The following PTPRD variants were observed in gnomAD, a reference collection of about 807,000 sequenced individuals.
PTPRD encodes the protein protein tyrosine phosphatase receptor type D, also known as receptor-type tyrosine-protein phosphatase delta.
PTPRD carries 34 observed loss-of-function variants against 214.5 expected under a neutral mutation model. The ratio of observed to expected loss-of-function variants is 0.16; its 90% confidence interval spans 0.12 to 0.21. PTPRD has a LOEUF of 0.21. Among genes scored for constraint, PTPRD ranks in the 10% least tolerant of loss-of-function variants. PTPRD has a pLI of 1.00. For synonymous variants in PTPRD, 1,128 were observed against 845.7 expected (o/e 1.33, Z -5.79); for missense variants, 2,545 against 2,398.7 (o/e 1.06, Z -1.27).
At chr9:10,547,699 TTA>T (rs577218359) in intron 2 of PTPRD, among the ~76,000 whole-genome samples, 65 of 149,266 alleles carry the variant, frequency 4.4e-4, no homozygotes, top group African/African-American at 1.0e-3. Context: ...TACATATATG[TTA>T]TATATATATA....
intron 8 of PTPRD, among the ~76,000 whole-genome samples, chr9:9,461,630 C>T (rs1352511931): frequency 6.6e-6 from 1 of 152,102 alleles, no homozygotes; most frequent in African/African-American, 2.4e-5. Flanking sequence ...TGCCCATATA[C>T]TCATACCCTC....
intron 3 of PTPRD, among the ~76,000 whole-genome samples, chr9:10,097,103 G>C (rs1243744519): frequency 1.3e-5 from 2 of 149,764 alleles, no homozygotes; most frequent in South Asian, 4.4e-4. Context: ...CTATATCTCT[G>C]TTTTGGTACC....
chr9:9,989,672 G>C (rs1234662753), intron 4 of PTPRD, among the ~76,000 whole-genome samples: 1 of 152,198 alleles, frequency 6.6e-6, no homozygotes, highest in Non-Finnish European at 1.5e-5. Context: ...GGGTGCAAGA[G>C]GCTGTCGCAT....
At chr9:10,183,817 T>C (rs1051936242) in intron 3 of PTPRD, among the ~76,000 whole-genome samples, 7 of 152,134 alleles carry the variant, frequency 4.6e-5, no homozygotes, top group Non-Finnish European at 4.4e-5. Context: ...AATAAACTAG[T>C]AGGCAAACAA....
intron 10 of PTPRD, among the ~76,000 whole-genome samples, chr9:9,087,548 A>G (rs577887120): frequency 3.2e-4 from 48 of 152,276 alleles, no homozygotes; most frequent in Admixed American, 1.2e-3. Flanking sequence ...TGAGAAACAT[A>G]CAGAGAAGTG....
At position 9,862,665 on chromosome 9, in the gene PTPRD, G is replaced by A. The variant is rs143476848; in HGVS notation, c.-368+75842C>T. Among the ~76,000 whole-genome samples, 182 of 142,838 alleles carry A rather than the reference G, an allele frequency of 1.3e-3. 1 individual carries two copies. The highest frequency in any genetic ancestry group is 1.3e-3 in the Non-Finnish European group (87 of 66,564). The allele number at this position is 142,838 out of a possible 152,430, so 93.7% of individuals were successfully genotyped here. A position where few individuals can be genotyped will look rare whatever the true frequency, so the allele number is the denominator to read the frequency against. On this transcript the variant is annotated intron_variant, in intron 5 of 45. Transcript: ENST00000381196. Reference sequence around the variant, plus strand: ...AGAAATACTTGTTGTGGTGTGTTGAGCTGAGCTCCCCAAGTTCTGCCTGTC... The same window carrying A: ...AGAAATACTTGTTGTGGTGTGTTGAACTGAGCTCCCCAAGTTCTGCCTGTC...
At chr9:10,129,492 T>C (rs2098843147) in intron 3 of PTPRD, among the ~76,000 whole-genome samples, 1 of 129,762 alleles carries the variant, frequency 7.7e-6, no homozygotes, top group South Asian at 2.7e-4. Context: ...ATTCTCTTTT[T>C]TCTTTCCTTT....
intron 3 of PTPRD, among the ~76,000 whole-genome samples, chr9:10,226,759 T>C (rs2154353013): frequency 6.6e-6 from 1 of 152,166 alleles, no homozygotes; most frequent in Admixed American, 6.6e-5. Flanking sequence ...AATCTGTGTG[T>C]ATGTGTTGTA....
intron 9 of PTPRD, among the ~76,000 whole-genome samples, chr9:9,264,198 A>G (rs1937859057): frequency 6.6e-6 from 1 of 151,660 alleles, no homozygotes; most frequent in South Asian, 2.1e-4. Context: ...ATATTTCAGT[A>G]TCCAACCTAA....
chr9:9,623,849 C>G (rs1286357932), intron 7 of PTPRD, among the ~76,000 whole-genome samples: 1 of 152,194 alleles, frequency 6.6e-6, no homozygotes, highest in African/African-American at 2.4e-5. Context: ...CTTCTTACAA[C>G]TATTCTACAA....
rs1045406517 is a variant in PTPRD, at chr9:9,072,890, G to A, written c.-142-54155C>T. Among the ~76,000 whole-genome samples the A allele has an allele frequency of 3.9e-5, 6 of 152,082 alleles. No individual in the cohort carries two copies. The South Asian group carries it at 1.2e-3, about 31-fold the overall frequency. ...CTAGAAAACTGAATGAGCATTTCATGGAAAACAGGATATAAGACAAGTATG... is the reference window on the plus strand; with the variant it reads ...CTAGAAAACTGAATGAGCATTTCATAGAAAACAGGATATAAGACAAGTATG... On this transcript the variant is annotated intron_variant, in intron 10 of 45. Coordinates refer to ENST00000381196, the MANE Select transcript of PTPRD (RefSeq NM_002839.4).
At chr9:8,419,181 A>C (rs7028912) in intron 35 of PTPRD, among the ~76,000 whole-genome samples, 7,485 of 150,894 alleles carry the variant, frequency 0.05, 605 homozygotes, top group African/African-American at 0.17. Context: ...AGATGAGATC[A>C]TCTCACTGCA....
chr9:10,518,607 A>G (rs1033361144), intron 2 of PTPRD, among the ~76,000 whole-genome samples: 4 of 151,046 alleles, frequency 2.6e-5, no homozygotes, highest in African/African-American at 9.8e-5. Flanking sequence ...ATCTTGGCTC[A>G]CTTCAAGCTC....
At chr9:8,934,421 G>GTATA (rs200706346) in intron 11 of PTPRD, among the ~76,000 whole-genome samples, 8 of 27,332 alleles carry the variant, frequency 2.9e-4, no homozygotes, top group East Asian at 2.2e-3. Flanking sequence ...GTGTGTGTGT[G>GTATA]TATATATATA....
chr9:9,540,111 C>T (rs2077278121), intron 8 of PTPRD, among the ~76,000 whole-genome samples: 1 of 151,766 alleles, frequency 6.6e-6, no homozygotes, highest in African/African-American at 2.4e-5. Flanking sequence ...TGCCTTCTTA[C>T]CTACTACTGC....
At chr9:9,075,028 T>C (rs1203949568) in intron 10 of PTPRD, among the ~76,000 whole-genome samples, 2 of 152,012 alleles carry the variant, frequency 1.3e-5, no homozygotes, top group Non-Finnish European at 2.9e-5. Flanking sequence ...TAATTATAAT[T>C]GTACAAAAAG....
At chr9:9,396,280 A>C (rs1313256307) in intron 9 of PTPRD, among the ~76,000 whole-genome samples, 1 of 152,008 alleles carries the variant, frequency 6.6e-6, no homozygotes, top group Admixed American at 6.6e-5. Flanking sequence ...TTTATATACT[A>C]CCTTACTATT....
intron 36 of PTPRD, 57 bp downstream of exon 36, chr9:8,404,480 A>G (rs544932326): frequency 1.1e-5 from 18 of 1,573,450 alleles, no homozygotes; most frequent in Admixed American, 1.7e-5. Context: ...CAATATTCTC[A>G]TGCACATACT....
intron 4 of PTPRD, among the ~76,000 whole-genome samples, chr9:10,009,294 C>A (rs544474124): frequency 6.6e-6 from 1 of 151,682 alleles, no homozygotes; most frequent in African/African-American, 2.4e-5. Flanking sequence ...TCAAGAGGTT[C>A]TGAAAACAAG....
Sources: gnomAD v4.1 joint callset for allele counts (sites outside exome capture counted in the v4.1 genomes callset) on GRCh38, gnomAD v4.1.1 for gene constraint, MANE v1.5 for transcripts, NCBI Gene and HGNC (gene_info 2026-07-23, HGNC 2026-07-21) for gene names.